DPP6: variants seen among roughly 807,000 people sequenced by gnomAD.
DPP6 encodes A-type potassium channel modulatory protein DPP6.
In DPP6, 69 loss-of-function variants were observed where a neutral mutation model predicts 122.6. The observed-to-expected ratio is 0.56, with a 90% CI of 0.46 to 0.69. DPP6 has a LOEUF of 0.69. Ranked by LOEUF, DPP6 falls within the 30% of genes least tolerant of loss-of-function variation. The pLI is 0.00. For missense variants in DPP6, 928 were observed against 1,116.9 expected (o/e 0.83, Z 2.41); for synonymous variants, 418 against 433.1 (o/e 0.97, Z 0.43).
chr7:154,443,868 C>T (rs1258912855), intron 1 of DPP6, among the ~76,000 whole-genome samples: 2 of 152,204 alleles, frequency 1.3e-5, no homozygotes, highest in Non-Finnish European at 2.9e-5. Context: ...GCCTCACTTT[C>T]ACCATGCTAG....
At chr7:154,446,534 G>A (rs572846234) in intron 2 of DPP6, among the ~76,000 whole-genome samples, 5 of 152,106 alleles carry the variant, frequency 3.3e-5, no homozygotes, top group Admixed American at 6.5e-5. Flanking sequence ...TGTTTACTAC[G>A]TGGAAATGCT....
intron 1 of DPP6, among the ~76,000 whole-genome samples, chr7:154,310,152 C>T (rs949268323): frequency 1.1e-4 from 16 of 152,196 alleles, no homozygotes; most frequent in African/African-American, 3.9e-4. Context: ...GAGCTCCCTA[C>T]TGGGAACACC....
intron 1 of DPP6, among the ~76,000 whole-genome samples, chr7:154,091,847 G>T (rs182725356): frequency 2.0e-5 from 3 of 152,116 alleles, no homozygotes; most frequent in Non-Finnish European, 4.4e-5. Context: ...TTTGTTCATC[G>T]TGCAGCTTTA....
Position 154,052,573 on chromosome 7 carries a change from C to T in DPP6, c.-248C>T. On this transcript the variant is annotated 5_prime_UTR_variant, in exon 1 of 26. Transcript: ENST00000377770. This position sits in a 1 kb window ranked among gnomAD's most constrained non-coding sequence, Gnocchi z 4.8. ...GGAAAGAGAGAAAGCACAGCCAGAG[C>T]CCCGGCTTCGCGAGCCGCCGGGGAG... is the stretch of plus-strand genomic sequence containing the variant. 8.5e-7 allele frequency: 1 copy of T among 1,173,960 alleles called. No individual in the cohort carries two copies. Among genetic ancestry groups the T allele is most frequent in the Non-Finnish European group, 1.1e-6 (1 of 934,906 alleles). 72.7% of individuals were successfully genotyped at this position (1,173,960 alleles called of 1,614,324 possible).
chr7:154,547,719 T>C (rs572651722), intron 4 of DPP6, among the ~76,000 whole-genome samples: 1 of 152,292 alleles, frequency 6.6e-6, no homozygotes, highest in African/African-American at 2.4e-5. Flanking sequence ...TGTCCCCCTA[T>C]GTCATTATTT....
chr7:154,494,283 G>T (rs752594878), intron 3 of DPP6, among the ~76,000 whole-genome samples: 1 of 151,814 alleles, frequency 6.6e-6, no homozygotes, highest in Admixed American at 6.6e-5. Flanking sequence ...TTGAGCCTGC[G>T]AGGGACAGGC....
intron 1 of DPP6, among the ~76,000 whole-genome samples, chr7:154,036,195 C>G (rs1799525535): frequency 6.6e-6 from 1 of 151,152 alleles, no homozygotes; most frequent in African/African-American, 2.5e-5. Context: ...ACTGCAACCT[C>G]CGCCTCACAG....
At chr7:153,835,152 T>C in the DPP6 span, among the ~76,000 whole-genome samples, 1 of 152,254 alleles carries the variant, frequency 6.6e-6, no homozygotes, top group Non-Finnish European at 1.5e-5. Flanking sequence ...GTCTAACATA[T>C]TGTTTCTTGT....
At chr7:154,549,800 A>G (rs1344510932) in intron 4 of DPP6, among the ~76,000 whole-genome samples, 2 of 152,196 alleles carry the variant, frequency 1.3e-5, no homozygotes, top group Non-Finnish European at 2.9e-5. Context: ...ACGAGGTTAC[A>G]TGCCAATCTC....
chr7:154,522,249 C>T (rs1827051589), intron 3 of DPP6, among the ~76,000 whole-genome samples: 1 of 152,194 alleles, frequency 6.6e-6, no homozygotes, highest in Admixed American at 6.5e-5. Context: ...GCTAGGATTA[C>T]AAGCGTGAGC....
intron 1 of DPP6, among the ~76,000 whole-genome samples, chr7:153,931,745 G>A (rs1180012184): frequency 6.6e-6 from 1 of 152,174 alleles, no homozygotes; most frequent in East Asian, 1.9e-4. Context: ...TCTTGAACTT[G>A]TATTATGGCT....
At chr7:154,027,821 A>G (rs1467786379) in intron 1 of DPP6, among the ~76,000 whole-genome samples, 1 of 151,736 alleles carries the variant, frequency 6.6e-6, no homozygotes, top group African/African-American at 2.4e-5. Context: ...TTCCTCTTCC[A>G]GTATCTTCCT....
At chr7:153,917,594 T>G (rs892864591) in intron 1 of DPP6, among the ~76,000 whole-genome samples, 1 of 152,156 alleles carries the variant, frequency 6.6e-6, no homozygotes, top group African/African-American at 2.4e-5. Context: ...AGATTCCCTT[T>G]CAGTAATTGA....
At chr7:154,615,661 T>C (rs1834194534) in intron 5 of DPP6, among the ~76,000 whole-genome samples, 1 of 152,122 alleles carries the variant, frequency 6.6e-6, no homozygotes, top group Admixed American at 6.5e-5. Context: ...CATTAAATAC[T>C]GACTTCCCCT....
At chr7:154,579,406 G>A (rs1224189448) in intron 5 of DPP6, among the ~76,000 whole-genome samples, 1 of 152,180 alleles carries the variant, frequency 6.6e-6, no homozygotes, top group Non-Finnish European at 1.5e-5. Flanking sequence ...TTGGAATGAA[G>A]AAATATGCAA....
chr7:154,374,261 C>T (rs1812922967), intron 1 of DPP6, among the ~76,000 whole-genome samples: 2 of 152,266 alleles, frequency 1.3e-5, no homozygotes, highest in East Asian at 1.9e-4. Context: ...TAGTAAATAC[C>T]TCATAGTGTT....
intron 1 of DPP6, among the ~76,000 whole-genome samples, chr7:154,436,480 C>T (rs901407393): frequency 6.6e-6 from 1 of 152,124 alleles, no homozygotes; most frequent in Non-Finnish European, 1.5e-5. Context: ...CTCACAGTGT[C>T]ACTGGGTTTG....
Position 154,713,024 on chromosome 7 carries a change from A to G in DPP6, c.763-14743A>G, listed in dbSNP as rs543120849. ...GTTACTTCCTAGATACAATGGGGGTACAGGCATTGGGTAAATATACCCATT... is the reference window on the plus strand; with the variant it reads ...GTTACTTCCTAGATACAATGGGGGTGCAGGCATTGGGTAAATATACCCATT... On this transcript the variant is annotated intron_variant, in intron 7 of 25. Transcript: ENST00000377770. Among the ~76,000 whole-genome samples the G allele has an allele frequency of 3.9e-5, 6 of 152,376 alleles. No homozygotes were observed. The South Asian group carries it at 1.2e-3, about 32-fold the overall frequency.
intron 6 of DPP6, among the ~76,000 whole-genome samples, chr7:154,643,592 C>A (rs1200201469): frequency 1.3e-5 from 2 of 151,702 alleles, no homozygotes; most frequent in Non-Finnish European, 2.9e-5. Context: ...CCTCAGCCTC[C>A]TGAGTAGCTG....
Sources: allele counts gnomAD v4.1 joint callset (sites outside exome capture counted in the v4.1 genomes callset), GRCh38; gene constraint gnomAD v4.1.1; non-coding constraint Gnocchi (gnomAD v3.1); transcripts MANE v1.5; gene names NCBI Gene and HGNC (gene_info 2026-07-23, HGNC 2026-07-21).